Variants in MAGI1 observed in about 807,000 individuals in gnomAD.
MAGI1 encodes the protein membrane-associated guanylate kinase, WW and PDZ domain-containing protein 1.
A neutral mutation model predicts 139.9 loss-of-function variants in MAGI1; 58 were observed. That is an observed-to-expected ratio of 0.41 (90% CI 0.34 to 0.52). The LOEUF (loss-of-function observed/expected upper bound fraction) is 0.52, where lower values mean the gene tolerates loss of function less well. Among genes scored for constraint, MAGI1 ranks in the 20% least tolerant of loss-of-function variants. The pLI, the probability that MAGI1 is intolerant of heterozygous loss-of-function variation, is 0.12. For synonymous variants in MAGI1, 812 were observed against 737.9 expected (o/e 1.10, Z -1.63); for missense variants, 1,874 against 1,901.6 (o/e 0.99, Z 0.27).
At chr3:65,998,736 G>A (rs2066588122) in intron 1 of MAGI1, among the ~76,000 whole-genome samples, 1 of 151,698 alleles carries the variant, frequency 6.6e-6, no homozygotes, top group African/African-American at 2.4e-5. Flanking sequence ...TAAAATGCTG[G>A]TGAAAGCTTC....
At chr3:65,463,596 G>C (rs1313441512) in intron 5 of MAGI1, among the ~76,000 whole-genome samples, 1 of 137,356 alleles carries the variant, frequency 7.3e-6, no homozygotes, top group East Asian at 2.0e-4. Context: ...GTGTGTGTGT[G>C]TGTGTGTCTG....
chr3:65,916,798 C>T (rs2061929600), intron 1 of MAGI1, among the ~76,000 whole-genome samples: 1 of 152,138 alleles, frequency 6.6e-6, no homozygotes, highest in African/African-American at 2.4e-5. Flanking sequence ...CACACACACA[C>T]ACATACACAC....
At chr3:65,514,589 C>T (rs2077767346) in intron 2 of MAGI1, among the ~76,000 whole-genome samples, 1 of 139,442 alleles carries the variant, frequency 7.2e-6, no homozygotes, top group Non-Finnish European at 1.5e-5. Context: ...CAGAGAAATG[C>T]AAATCAAAAC....
chr3:65,708,779 C>G (rs2030847631), intron 1 of MAGI1, among the ~76,000 whole-genome samples: 1 of 152,222 alleles, frequency 6.6e-6, no homozygotes, highest in African/African-American at 2.4e-5. Flanking sequence ...GGCTTCCAGA[C>G]AGACTGCCAT....
intron 3 of MAGI1, among the ~76,000 whole-genome samples, chr3:65,491,826 AAAAC>A (rs776446381): frequency 6.6e-6 from 1 of 152,056 alleles, no homozygotes; most frequent in African/African-American, 2.4e-5. Flanking sequence ...GCAACACTCA[AAAAC>A]AAACAAACAA....
Position 65,884,742 on chromosome 3 carries a change from A to G in MAGI1, c.313+153254T>C, listed in dbSNP as rs369699719. 1.4e-4 allele frequency among the ~76,000 whole-genome samples: 22 copies of G among 152,204 alleles called. No homozygotes were observed. The South Asian group carries it at 1.7e-3, about 11-fold the overall frequency. Reference sequence around the variant, plus strand: ...CAGGCATTTTTCAACCCCTTCCTCCATCTCTCCATCCCCACTTTGGGAGGC... The same window carrying G: ...CAGGCATTTTTCAACCCCTTCCTCCGTCTCTCCATCCCCACTTTGGGAGGC... On this transcript the variant is annotated intron_variant, in intron 1 of 22. Coordinates refer to ENST00000402939, the MANE Select transcript of MAGI1 (RefSeq NM_001033057.2).
At chr3:65,913,280 A>G (rs1289393077) in intron 1 of MAGI1, among the ~76,000 whole-genome samples, 4 of 152,144 alleles carry the variant, frequency 2.6e-5, no homozygotes, top group Admixed American at 2.6e-4. Flanking sequence ...AACAAAAAAT[A>G]ATAAATAAAC....
intron 2 of MAGI1, among the ~76,000 whole-genome samples, chr3:65,503,048 AAC>A (rs144846965): frequency 5.2e-4 from 79 of 152,076 alleles, no homozygotes; most frequent in Non-Finnish European, 8.5e-4. Context: ...GTCACTAAGC[AAC>A]ACACACACAC....
At chr3:65,800,388 A>G (rs2040438455) in intron 1 of MAGI1, among the ~76,000 whole-genome samples, 1 of 152,208 alleles carries the variant, frequency 6.6e-6, no homozygotes, top group African/African-American at 2.4e-5. Flanking sequence ...TTTTCTATAC[A>G]CTGAAGAGTA....
chr3:65,453,094 G>C (rs973742735), intron 6 of MAGI1, 164 bp downstream of exon 6: 88 of 624,490 alleles, frequency 1.4e-4, no homozygotes, highest in Non-Finnish European at 2.3e-4. Flanking sequence ...AAACAACTCT[G>C]ACTTTCTTCC....
intron 1 of MAGI1, among the ~76,000 whole-genome samples, chr3:65,868,004 T>C (rs2059790357): frequency 6.6e-6 from 1 of 152,126 alleles, no homozygotes; most frequent in South Asian, 2.1e-4. Context: ...CCCTGCCCTG[T>C]CATTTGCTTA....
rs965285716 is a variant in MAGI1 at position 65,398,195 on chromosome 3, T to G, written c.2199+3244A>C. Among the ~76,000 whole-genome samples the G allele has an allele frequency of 4.6e-5, 7 of 152,240 alleles. No individual in the cohort carries two copies. The East Asian group carries it at 1.4e-3, about 29-fold the overall frequency. ...TGAATGAATGGATGAAAGATGAATA[T>G]GTAGGTGGAGCAACAGATGGATAAA... is the stretch of plus-strand genomic sequence containing the variant. On this transcript the variant is annotated intron_variant, in intron 13 of 22. Transcript: ENST00000402939.
chr3:65,410,832 T>C (rs554907806), intron 12 of MAGI1, among the ~76,000 whole-genome samples: 60 of 152,310 alleles, frequency 3.9e-4, no homozygotes, highest in African/African-American at 1.3e-3. Context: ...ATGAAGCATG[T>C]CTTTAAAGCT....
intron 1 of MAGI1, among the ~76,000 whole-genome samples, chr3:65,703,736 G>A (rs2089774388): frequency 6.6e-6 from 1 of 152,160 alleles, no homozygotes; most frequent in Admixed American, 6.5e-5. Flanking sequence ...CCACCTCATT[G>A]ACGGGGATGC....
At chr3:65,599,568 T>C (rs2082385336) in intron 2 of MAGI1, among the ~76,000 whole-genome samples, 1 of 152,190 alleles carries the variant, frequency 6.6e-6, no homozygotes, top group African/African-American at 2.4e-5. Context: ...CTGTTTCCCC[T>C]GGTGTACAAA....
At chr3:65,959,610 A>ATTATTATTG (rs2064312511) in intron 1 of MAGI1, among the ~76,000 whole-genome samples, 1 of 133,914 alleles carries the variant, frequency 7.5e-6, no homozygotes, top group African/African-American at 2.8e-5. Context: ...TTTTATTATT[A>ATTATTATTG]TTATTATTAT....
chr3:65,469,478 T>A (rs1221747068), intron 5 of MAGI1, among the ~76,000 whole-genome samples: 1 of 152,094 alleles, frequency 6.6e-6, no homozygotes, highest in African/African-American at 2.4e-5. Context: ...TGGTTTCAAA[T>A]GTCGGCTTTT....
At chr3:65,478,336 C>T (rs982349536) in intron 4 of MAGI1, among the ~76,000 whole-genome samples, 3 of 152,070 alleles carry the variant, frequency 2.0e-5, no homozygotes, top group African/African-American at 4.8e-5. Flanking sequence ...GCTGATTTCT[C>T]GTTTGCCTTC....
intron 1 of MAGI1, among the ~76,000 whole-genome samples, chr3:65,762,962 A>G (rs77447443): frequency 0.023 from 3,553 of 152,292 alleles, 57 homozygotes; most frequent in Non-Finnish European, 0.029. Flanking sequence ...ATCTGGAACC[A>G]ATAATGGAAA....
Sources: allele counts gnomAD v4.1 joint callset (sites outside exome capture counted in the v4.1 genomes callset), GRCh38; gene constraint gnomAD v4.1.1; transcripts MANE v1.5; gene names NCBI Gene and HGNC (gene_info 2026-07-23, HGNC 2026-07-21).